Variants in CDH13 observed in about 807,000 individuals in gnomAD.
CDH13 encodes cadherin-13.
Under a neutral mutation model 63.8 loss-of-function variants are expected in CDH13, and 24 were observed. The ratio of observed to expected loss-of-function variants is 0.38; its 90% CI spans 0.27 to 0.53. The LOEUF is 0.53. Among genes scored for constraint, CDH13 ranks in the 20% least tolerant of loss-of-function variants. CDH13 has a pLI of 0.85. For synonymous variants in CDH13, 503 were observed against 355.3 expected, an observed-to-expected ratio of 1.42 and a Z score of -4.67; for missense variants, 1,049 against 903.1, an observed-to-expected ratio of 1.16 and a Z score of -2.07.
chr16:83,192,816 G>A (rs12920264), intron 4 of CDH13, among the ~76,000 whole-genome samples: 1 of 152,042 alleles, frequency 6.6e-6, no homozygotes, highest in Non-Finnish European at 1.5e-5. Flanking sequence ...CCCCCTAAGT[G>A]TGGGTGGAAC....
intron 1 of CDH13, among the ~76,000 whole-genome samples, chr16:82,810,645 C>T (rs1359421863): frequency 6.6e-6 from 1 of 152,084 alleles, no homozygotes; most frequent in East Asian, 1.9e-4. Flanking sequence ...GATTCTCAGC[C>T]CCCATGGCTG....
chr16:83,319,842 A>T (rs2090183590), intron 5 of CDH13, among the ~76,000 whole-genome samples: 1 of 152,222 alleles, frequency 6.6e-6, no homozygotes, highest in African/African-American at 2.4e-5. Context: ...TTCAGGGGAT[A>T]AGTGAACAGC....
intron 1 of CDH13, among the ~76,000 whole-genome samples, chr16:82,642,088 G>A (rs1909472955): frequency 9.0e-6 from 1 of 111,048 alleles, no homozygotes; most frequent in Non-Finnish European, 1.9e-5. Context: ...AGCTCATGGA[G>A]GGCAAAAAAA....
intron 2 of CDH13, among the ~76,000 whole-genome samples, chr16:82,868,819 C>A (rs746693724): frequency 6.6e-6 from 1 of 152,152 alleles, no homozygotes; most frequent in Admixed American, 6.5e-5. Context: ...GGTAGTGTTG[C>A]GTCTTCAGAG....
In CDH13 at chr16:83,132,204, G is replaced by A. The variant is rs116452996; in HGVS notation, c.483+6703G>A. Among the ~76,000 whole-genome samples, 225 of 152,186 alleles carry A rather than the reference G, an allele frequency of 1.5e-3. 1 individual carries two copies. The highest frequency in any genetic ancestry group is 5.2e-3 in the African/African-American group (216 of 41,526). On this transcript the variant is annotated intron_variant, in intron 4 of 13. Transcript: ENST00000567109. ...GAGGCTGAACCAGAAAGCTGGTACT[G>A]AAGCCCCAGCACCTCTCCATCACCC...
At chr16:83,124,299 G>C in intron 3 of CDH13, among the ~76,000 whole-genome samples, 1 of 152,168 alleles carries the variant, frequency 6.6e-6, no homozygotes, top group African/African-American at 2.4e-5. Flanking sequence ...GCCTGCCCTG[G>C]CCTCCCAAAG....
At chr16:83,333,139 G>T (rs1254234660) in intron 5 of CDH13, among the ~76,000 whole-genome samples, 1 of 152,090 alleles carries the variant, frequency 6.6e-6, no homozygotes, top group Non-Finnish European at 1.5e-5. Flanking sequence ...GTTACAAAGG[G>T]CTTAAAATGT....
chr16:83,134,749 A>G (rs1018938985), intron 4 of CDH13, among the ~76,000 whole-genome samples: 7 of 152,234 alleles, frequency 4.6e-5, no homozygotes, highest in African/African-American at 1.7e-4. Context: ...TATGTTCACC[A>G]TTCGCAAGTG....
chr16:83,103,524 G>C (rs571346725), intron 3 of CDH13, among the ~76,000 whole-genome samples: 7 of 152,266 alleles, frequency 4.6e-5, no homozygotes, highest in African/African-American at 1.7e-4. Context: ...GAGATTACAG[G>C]CATGAGCCAC....
intron 3 of CDH13, among the ~76,000 whole-genome samples, chr16:83,038,170 A>C (rs1380270501): frequency 6.6e-6 from 1 of 152,202 alleles, no homozygotes; most frequent in Admixed American, 6.5e-5. Flanking sequence ...AGGCAAATAT[A>C]ATCACAGTTA....
chr16:83,682,358 T>G (rs759250874), intron 10 of CDH13, among the ~76,000 whole-genome samples: 53 of 152,090 alleles, frequency 3.5e-4, no homozygotes, highest in Admixed American at 2.6e-4. Flanking sequence ...CGGGTGCACA[T>G]GTGCAGCAGC....
At chr16:83,001,426 G>T (rs909180699) in intron 2 of CDH13, among the ~76,000 whole-genome samples, 1 of 152,216 alleles carries the variant, frequency 6.6e-6, no homozygotes, top group South Asian at 2.1e-4. Context: ...AATGATAATG[G>T]ATATTTTTTC....
intron 7 of CDH13, among the ~76,000 whole-genome samples, chr16:83,490,009 CCACACACACACACA>C (rs10666213): frequency 7.3e-5 from 10 of 137,304 alleles, no homozygotes; most frequent in South Asian, 5.0e-4. Flanking sequence ...GCTGCAGAAA[CCACACACACACACA>C]CACACACACA....
At chr16:83,423,657 A>G in intron 6 of CDH13, among the ~76,000 whole-genome samples, 1 of 152,256 alleles carries the variant, frequency 6.6e-6, no homozygotes, top group East Asian at 1.9e-4. Flanking sequence ...CAACTGCAGC[A>G]ATCATGATCA....
intron 8 of CDH13, among the ~76,000 whole-genome samples, chr16:83,651,373 G>A (rs1336312760): frequency 6.6e-6 from 1 of 151,946 alleles, no homozygotes; most frequent in East Asian, 1.9e-4. Context: ...TATTGCTTAT[G>A]TGCTGGGCAT....
chr16:83,395,445 G>T (rs1275379203), intron 6 of CDH13, among the ~76,000 whole-genome samples: 8 of 152,108 alleles, frequency 5.3e-5, no homozygotes, highest in African/African-American at 1.7e-4. Context: ...TGTCTGGAAG[G>T]TTTGATACCA....
intron 6 of CDH13, among the ~76,000 whole-genome samples, chr16:83,474,989 G>A (rs552066386): frequency 9.2e-5 from 14 of 152,252 alleles, no homozygotes; most frequent in South Asian, 2.1e-4. Context: ...CACTGAGGCC[G>A]AGACACTGAG....
intron 4 of CDH13, among the ~76,000 whole-genome samples, chr16:83,188,278 A>G (rs2038587701): frequency 6.6e-6 from 1 of 152,216 alleles, no homozygotes; most frequent in Admixed American, 6.5e-5. Context: ...CTCAGGCTCT[A>G]GAAGCAATGG....
chr16:83,126,834 G>T (rs890554217), intron 4 of CDH13, among the ~76,000 whole-genome samples: 1 of 152,202 alleles, frequency 6.6e-6, no homozygotes, highest in Non-Finnish European at 1.5e-5. Flanking sequence ...TTTGGACTGG[G>T]TGTGAAGAAG....
Sources: gnomAD v4.1 joint callset for allele counts (sites outside exome capture counted in the v4.1 genomes callset) on GRCh38, gnomAD v4.1.1 for gene constraint, MANE v1.5 for transcripts, NCBI Gene and HGNC (gene_info 2026-07-23, HGNC 2026-07-21) for gene names.